RAB37: variants seen among roughly 807,000 people sequenced by gnomAD.
The protein encoded by RAB37 is RAB37, member RAS oncogene family, also known as ras-related protein Rab-37.
In RAB37, 29 loss-of-function variants were observed where a neutral mutation model predicts 33.1. That is an observed-to-expected ratio of 0.88 (90% CI 0.65 to 1.20). The LOEUF (loss-of-function observed/expected upper bound fraction) is 1.20, where lower values mean the gene tolerates loss of function less well. RAB37 is among the 50% of genes most tolerant of loss of function. The pLI, the probability that RAB37 is intolerant of heterozygous loss-of-function variation, is 0.00. For synonymous variants in RAB37, 128 were observed against 119.5 expected (o/e 1.07, Z -0.47); for missense variants, 299 against 301.1 (o/e 0.99, Z 0.05).
rs765574103 is a variant in RAB37, at chr17:74,671,577, C to T, written c.-10C>T. On this transcript the variant is annotated 5_prime_UTR_variant, in exon 1 of 8. Coordinates refer to the RAB37 transcript ENST00000340415. The surrounding 1 kb of genome is among the most constrained non-coding windows in gnomAD (Gnocchi z 5.0). ...CAGGGAGAGCCGGAGCGGCGAGCTC[C>T]AAGCCTGGCATGGACCTGCAGAGAC... 1.9e-6 allele frequency: 3 copies of T among 1,614,104 alleles called. No individual in the cohort carries two copies. In the South Asian group the frequency reaches 3.3e-5, roughly 18 times the overall value.
chr17:74,677,033 C>T (rs2031849575), intron 1 of RAB37, among the ~76,000 whole-genome samples: 1 of 151,958 alleles, frequency 6.6e-6, no homozygotes, highest in African/African-American at 2.4e-5. Flanking sequence ...GCCTGAAATC[C>T]CAGCTACTCA....
chr17:74,681,049 G>A (rs2031944767), intron 1 of RAB37, among the ~76,000 whole-genome samples: 1 of 152,206 alleles, frequency 6.6e-6, no homozygotes, highest in South Asian at 2.1e-4. Context: ...CAGTCCCCAG[G>A]AACAAAACCC....
At chr17:74,700,164 TAAATAAAC>T (rs202081471) in intron 1 of RAB37, among the ~76,000 whole-genome samples, 8,673 of 149,462 alleles carry the variant, frequency 0.058, 304 homozygotes, top group East Asian at 0.14. Context: ...AATAAATAAA[TAAATAAAC>T]AAACAAACAA....
chr17:74,697,212 G>A (rs763093805), intron 1 of RAB37, among the ~76,000 whole-genome samples: 1 of 152,162 alleles, frequency 6.6e-6, no homozygotes, highest in Non-Finnish European at 1.5e-5. Context: ...CCTAAGTGCG[G>A]AGATTATAGG....
At chr17:74,709,614 C>G (rs746904346) in intron 1 of RAB37, among the ~76,000 whole-genome samples, 11 of 151,986 alleles carry the variant, frequency 7.2e-5, no homozygotes, top group Non-Finnish European at 1.0e-4. Flanking sequence ...TCACCCAGGC[C>G]GGAGTGCACT....
upstream of RAB37, among the ~76,000 whole-genome samples, chr17:74,733,142 C>T (rs1326092131): frequency 6.6e-6 from 1 of 151,836 alleles, no homozygotes; most frequent in Non-Finnish European, 1.5e-5. Flanking sequence ...TAAACTGTGC[C>T]TGGAGCTGCA....
chr17:74,691,647 G>A (rs778620486), intron 1 of RAB37, among the ~76,000 whole-genome samples: 2 of 152,134 alleles, frequency 1.3e-5, no homozygotes, highest in Non-Finnish European at 2.9e-5. Flanking sequence ...TTCCCTGTGC[G>A]TCTAGCTTAA....
At chr17:74,737,124 G>A, upstream of RAB37, 1 of 1,597,470 alleles carries the variant, frequency 6.3e-7, no homozygotes, top group Non-Finnish European at 8.5e-7. Flanking sequence ...CAAGGTCCGA[G>A]CCGGTGTCGT....
rs370741439 is a variant in RAB37, at chr17:74,743,369, C to T, written c.366+29C>T. 1.9e-6 allele frequency: 3 copies of T among 1,610,910 alleles called. No individual in the cohort carries two copies. The African/African-American group carries it at 4.0e-5, about 22-fold the overall frequency. ...GGTCCTCCCTTCCCCTGACTCCCAC[C>T]CATAAGCAGCCAAGGCAAGGTCTAT... On this transcript the variant is annotated intron_variant, in intron 5 of 8. Transcript: ENST00000392613.
chr17:74,713,266 C>T (rs2143978458), intron 1 of RAB37, among the ~76,000 whole-genome samples: 1 of 148,882 alleles, frequency 6.7e-6, no homozygotes, highest in East Asian at 2.0e-4. Context: ...GATCGTGCCA[C>T]TTGCACTCCA....
rs770762748 is a variant in RAB37 at position 74,671,556 on chromosome 17, G to A, written c.-31G>A. On this transcript the variant is annotated 5_prime_UTR_variant, in exon 1 of 8. Coordinates refer to the RAB37 transcript ENST00000340415. This position sits in a 1 kb window ranked among gnomAD's most constrained non-coding sequence, Gnocchi z 5.0. The stretch of plus-strand genomic sequence containing the variant: ...TGGAAGCGCTGACGCAGAGCGCAGG[G>A]AGAGCCGGAGCGGCGAGCTCCAAGC... The A allele has an allele frequency of 6.8e-6, 11 of 1,611,854 alleles. No homozygotes were observed. The East Asian group carries it at 2.2e-4, about 33-fold the overall frequency.
At chr17:74,736,886 T>C (rs1307318569), upstream of RAB37, 1 of 1,494,292 alleles carries the variant, frequency 6.7e-7, no homozygotes, top group East Asian at 2.5e-5. Context: ...GGCCCGGGGC[T>C]CGGGCGCCGC....
At chr17:74,683,146 G>T (rs1324031825) in intron 1 of RAB37, among the ~76,000 whole-genome samples, 2 of 152,208 alleles carry the variant, frequency 1.3e-5, no homozygotes, top group Non-Finnish European at 2.9e-5. Context: ...CTGGATTTGG[G>T]TTATTAATGA....
rs139440620 is a variant in RAB37 at position 74,745,325 on chromosome 17, G to C, written c.586G>C (p.Gly196Arg). Residue 196 changes from glycine to arginine, a missense_variant, in exon 9 of 9, where the codon GGG (glycine) becomes CGG (arginine). Gly to Arg is a moderately radical substitution (Grantham distance 125). Transcript: ENST00000392613. The surrounding 1 kb of genome is among the most constrained non-coding windows in gnomAD (Gnocchi z 4.5). Reference protein sequence around the residue: ...AIAKELKYRAGHQADEPSFQI... With the variant: ...AIAKELKYRARHQADEPSFQI... ...TTCAAGGGAACTGAAATACCGGGCC[G>C]GGCATCAGGCGGATGAGCCCAGCTT... 5.4e-5 allele frequency: 87 copies of C among 1,613,628 alleles called. 2 individuals are homozygous for C. Among genetic ancestry groups the C allele is most frequent in the Non-Finnish European group, 1.2e-5 (14 of 1,179,834 alleles).
chr17:74,709,742 AT>A (rs534800950), intron 1 of RAB37, among the ~76,000 whole-genome samples: 49 of 145,868 alleles, frequency 3.4e-4, no homozygotes, highest in Admixed American at 4.1e-4. Flanking sequence ...CCAGGCTAGT[AT>A]TTTTTTTTTT....
intron 1 of RAB37, among the ~76,000 whole-genome samples, chr17:74,711,475 G>T (rs2033957124): frequency 6.6e-6 from 1 of 152,176 alleles, no homozygotes; most frequent in Non-Finnish European, 1.5e-5. Context: ...AAGTGTCCAT[G>T]AGCCACTCCC....
At chr17:74,703,683 G>T (rs1006388660) in intron 1 of RAB37, among the ~76,000 whole-genome samples, 4 of 152,214 alleles carry the variant, frequency 2.6e-5, no homozygotes, top group African/African-American at 4.8e-5. Flanking sequence ...TCAGCACTTT[G>T]CAAACTAGAA....
intron 1 of RAB37, among the ~76,000 whole-genome samples, chr17:74,728,493 C>T (rs555114368): frequency 9.8e-5 from 14 of 142,172 alleles, no homozygotes; most frequent in African/African-American, 3.7e-4. Context: ...TGTGTGTACA[C>T]GTTTTTGTGT....
At chr17:74,710,704 CG>C (rs367706878) in intron 1 of RAB37, among the ~76,000 whole-genome samples, 25,765 of 139,498 alleles carry the variant, frequency 0.18, 2,402 homozygotes, top group East Asian at 0.31. Context: ...ACTAAAAATA[CG>C]AAAAAAAAAA....
Sources: gnomAD v4.1 joint callset for allele counts (sites outside exome capture counted in the v4.1 genomes callset) on GRCh38, gnomAD v4.1.1 for gene constraint, Gnocchi (gnomAD v3.1) non-coding constraint, MANE v1.5 for transcripts, NCBI Gene and HGNC (gene_info 2026-07-23, HGNC 2026-07-21) for gene names.